Variants in GALNT17 observed in about 807,000 individuals in gnomAD.
The protein encoded by GALNT17 is polypeptide N-acetylgalactosaminyltransferase 17.
GALNT17 carries 29 observed loss-of-function variants against 63.7 expected under a neutral mutation model. That is an observed-to-expected ratio of 0.46 (90% CI 0.34 to 0.62). The LOEUF is 0.62. Ranked by LOEUF, GALNT17 falls within the 20% of genes least tolerant of loss-of-function variation. The probability of loss-of-function intolerance (pLI) is 0.01; values close to 1 mark genes in which losing one functional copy is unlikely to be tolerated. For synonymous variants in GALNT17, 305 were observed against 318.3 expected, an observed-to-expected ratio of 0.96 and a Z score of 0.45; for missense variants, 603 against 799.6, an observed-to-expected ratio of 0.75 and a Z score of 2.97.
intron 1 of GALNT17, among the ~76,000 whole-genome samples, chr7:71,306,492 C>T (rs1416529988): frequency 2.0e-5 from 3 of 151,868 alleles, no homozygotes; most frequent in Admixed American, 6.6e-5. Flanking sequence ...CAGTAATTGT[C>T]CTTTTGTGAC....
At chr7:71,315,192 T>C (rs1390873563) in intron 1 of GALNT17, among the ~76,000 whole-genome samples, 1 of 152,262 alleles carries the variant, frequency 6.6e-6, no homozygotes, top group Non-Finnish European at 1.5e-5. Flanking sequence ...TGTTGTAGCA[T>C]CTATCGGTAC....
intron 5 of GALNT17, among the ~76,000 whole-genome samples, chr7:71,518,807 T>G (rs1047535288): frequency 1.8e-4 from 28 of 152,172 alleles, no homozygotes; most frequent in Admixed American, 1.8e-3. Context: ...TTCCAGTAAA[T>G]GGTCTCATGC....
intron 1 of GALNT17, among the ~76,000 whole-genome samples, chr7:71,325,038 T>C (rs566381793): frequency 1.1e-4 from 16 of 152,302 alleles, no homozygotes; most frequent in African/African-American, 3.8e-4. Context: ...AGTTTTTCAG[T>C]GTGTGTTAAT....
chr7:71,461,855 G>A (rs1787456314), intron 5 of GALNT17, among the ~76,000 whole-genome samples: 1 of 152,184 alleles, frequency 6.6e-6, no homozygotes, highest in African/African-American at 2.4e-5. Flanking sequence ...TGTCTCGACA[G>A]GTCCGAGTTA....
intron 2 of GALNT17, among the ~76,000 whole-genome samples, chr7:71,336,217 G>C (rs1316459183): frequency 6.6e-6 from 1 of 151,828 alleles, no homozygotes; most frequent in Non-Finnish European, 1.5e-5. Flanking sequence ...GGCTAATTTT[G>C]TATTTTTAGT....
intron 5 of GALNT17, among the ~76,000 whole-genome samples, chr7:71,470,028 G>C (rs1311317910): frequency 1.3e-5 from 2 of 152,164 alleles, no homozygotes. Flanking sequence ...AGCCAACATG[G>C]TGAAACCCTG....
intron 1 of GALNT17, among the ~76,000 whole-genome samples, chr7:71,200,146 G>A (rs184944501): frequency 4.1e-4 from 62 of 152,192 alleles, no homozygotes; most frequent in Admixed American, 1.0e-3. Flanking sequence ...TAGCCTCTTG[G>A]TGGTGATGAC....
Position 71,377,105 on chromosome 7 carries a change from AAT to A in GALNT17, c.423-11128_423-11127del, listed in dbSNP as rs1278418261. ...CATCTCAAAAAAAAAAAAAAATAAAAATAAAAAAAATATATATATATATATAT... is the reference window on the plus strand; with the variant it reads ...CATCTCAAAAAAAAAAAAAAATAAAAAAAAAAAATATATATATATATATAT... On this transcript the variant is annotated intron_variant, in intron 2 of 10. Transcript: ENST00000333538. 9.3e-3 allele frequency among the ~76,000 whole-genome samples: 602 copies of A among 64,400 alleles called. 54 individuals carry two copies. Among genetic ancestry groups the A allele is most frequent in the African/African-American group, 0.014 (176 of 12,282 alleles). The allele number at this position is 64,400 out of a possible 152,430, so 42.2% of individuals were successfully genotyped here.
intron 1 of GALNT17, among the ~76,000 whole-genome samples, chr7:71,191,591 A>G (rs1260224984): frequency 6.6e-6 from 1 of 152,114 alleles, no homozygotes; most frequent in East Asian, 1.9e-4. Flanking sequence ...ACCCCAATAC[A>G]TGTTGTTTAT....
Position 71,255,707 on chromosome 7 carries a change from C to T in GALNT17, c.239-79843C>T, listed in dbSNP as rs80254964. Among the ~76,000 whole-genome samples the T allele has an allele frequency of 3.3e-3, 499 of 152,194 alleles. 3 individuals are homozygous for T. Among genetic ancestry groups the T allele is most frequent in the African/African-American group, 0.011 (465 of 41,522 alleles). On this transcript the variant is annotated intron_variant, in intron 1 of 10. Transcript: ENST00000333538. ...AGGGAAAGTAGCTCTTAAATGGAAA[C>T]GTACAGGTTGCCTGGGGCTTTTTCA...
intron 6 of GALNT17, among the ~76,000 whole-genome samples, chr7:71,649,785 C>G (rs1790730546): frequency 6.6e-6 from 1 of 152,170 alleles, no homozygotes; most frequent in African/African-American, 2.4e-5. Context: ...TAAAGTGCAC[C>G]TGTGTACCCT....
chr7:71,472,843 G>A (rs1183426786), intron 5 of GALNT17, among the ~76,000 whole-genome samples: 6 of 152,080 alleles, frequency 3.9e-5, no homozygotes, highest in African/African-American at 9.7e-5. Flanking sequence ...AAACAAAAAC[G>A]AAAACCAACC....
chr7:71,234,102 TG>T, intron 1 of GALNT17, among the ~76,000 whole-genome samples: 2 of 152,210 alleles, frequency 1.3e-5, no homozygotes, highest in South Asian at 4.1e-4. Context: ...GAGATTTGGG[TG>T]GGACACACAT....
chr7:71,399,545 G>A (rs2189931), intron 3 of GALNT17, among the ~76,000 whole-genome samples: 121,524 of 151,730 alleles, frequency 0.8, 49,277 homozygotes, highest in African/African-American at 0.92. Context: ...TGGCTTTGGA[G>A]GGTTATGGTT....
At chr7:71,580,272 T>C (rs1789612812) in intron 6 of GALNT17, among the ~76,000 whole-genome samples, 1 of 145,946 alleles carries the variant, frequency 6.9e-6, no homozygotes, top group African/African-American at 2.8e-5. Context: ...TTTGATAGAT[T>C]AGATAGATGA....
intron 5 of GALNT17, among the ~76,000 whole-genome samples, chr7:71,446,974 C>A (rs1787172882): frequency 6.6e-6 from 1 of 152,202 alleles, no homozygotes; most frequent in African/African-American, 2.4e-5. Context: ...AAGGTATTAA[C>A]TGTTATTCAC....
intron 1 of GALNT17, among the ~76,000 whole-genome samples, chr7:71,286,007 C>G (rs1328031859): frequency 6.6e-6 from 1 of 152,218 alleles, no homozygotes; most frequent in African/African-American, 2.4e-5. Context: ...CGTTCCCAAC[C>G]TAAATTCCGC....
At chr7:71,388,905 C>T (rs972842470) in intron 3 of GALNT17, among the ~76,000 whole-genome samples, 1 of 152,112 alleles carries the variant, frequency 6.6e-6, no homozygotes, top group Non-Finnish European at 1.5e-5. Flanking sequence ...GGGTCCCCAA[C>T]CCCAGGGCCA....
intron 5 of GALNT17, among the ~76,000 whole-genome samples, chr7:71,546,890 T>C (rs1157683767): frequency 1.3e-5 from 2 of 152,220 alleles, no homozygotes; most frequent in Non-Finnish European, 2.9e-5. Context: ...AACTCTTTTA[T>C]GGGTCCACTT....
Sources: allele counts gnomAD v4.1 joint callset (sites outside exome capture counted in the v4.1 genomes callset), GRCh38; gene constraint gnomAD v4.1.1; transcripts MANE v1.5; gene names NCBI Gene and HGNC (gene_info 2026-07-23, HGNC 2026-07-21).